TMTC2: variants seen among roughly 807,000 people sequenced by gnomAD.
TMTC2 encodes protein O-mannosyl-transferase TMTC2.
In TMTC2, 43 loss-of-function variants were observed where a neutral mutation model predicts 82.4. That is an observed-to-expected ratio of 0.52 (90% CI 0.41 to 0.67). The LOEUF is 0.67. Among genes scored for constraint, TMTC2 ranks in the 30% least tolerant of loss-of-function variants. The pLI is 0.00. For missense variants in TMTC2, 919 were observed against 1,012.4 expected, an observed-to-expected ratio of 0.91 and a Z score of 1.25; for synonymous variants, 408 against 381.9, an observed-to-expected ratio of 1.07 and a Z score of -0.80.
chr12:82,772,781 T>A (rs1877378526), intron 1 of TMTC2, among the ~76,000 whole-genome samples: 1 of 152,170 alleles, frequency 6.6e-6, no homozygotes, highest in Admixed American at 6.5e-5. Context: ...CCAAGAAAAT[T>A]CTGTAATTTT....
chr12:83,023,497 G>T (rs1565857884), intron 8 of TMTC2, among the ~76,000 whole-genome samples: 1 of 152,138 alleles, frequency 6.6e-6, no homozygotes, highest in Non-Finnish European at 1.5e-5. Context: ...CTTTCCCAGG[G>T]GTTAACCTAA....
intron 11 of TMTC2, among the ~76,000 whole-genome samples, chr12:83,103,333 G>A (rs775365269): frequency 1.6e-4 from 25 of 152,282 alleles, no homozygotes; most frequent in Non-Finnish European, 2.4e-4. Flanking sequence ...CTGCTATGAC[G>A]AAATGCCTGA....
intron 1 of TMTC2, among the ~76,000 whole-genome samples, chr12:82,784,667 C>T (rs539921446): frequency 1.3e-5 from 2 of 152,200 alleles, no homozygotes; most frequent in East Asian, 1.9e-4. Flanking sequence ...TTTTAACTTC[C>T]GTCTTGAAGT....
At chr12:83,119,806 T>A (rs1367493607) in intron 11 of TMTC2, among the ~76,000 whole-genome samples, 1 of 152,218 alleles carries the variant, frequency 6.6e-6, no homozygotes, top group East Asian at 1.9e-4. Context: ...AGTCATTTTA[T>A]AAATGTGGGA....
At chr12:82,899,353 C>T (rs1592611097) in intron 3 of TMTC2, among the ~76,000 whole-genome samples, 2 of 151,822 alleles carry the variant, frequency 1.3e-5, no homozygotes, top group African/African-American at 2.4e-5. Flanking sequence ...CCTCTTTTCC[C>T]TTCACAGTTG....
chr12:83,038,278 A>G (rs902621992), intron 9 of TMTC2, among the ~76,000 whole-genome samples: 2 of 152,074 alleles, frequency 1.3e-5, no homozygotes, highest in African/African-American at 4.8e-5. Context: ...CCTAAAACTT[A>G]AAGTATAATA....
At chr12:83,012,240 T>A (rs1383175715) in intron 8 of TMTC2, among the ~76,000 whole-genome samples, 5 of 152,136 alleles carry the variant, frequency 3.3e-5, no homozygotes, top group Admixed American at 3.3e-4. Context: ...ACAAAATACA[T>A]CATTTTAGTG....
chr12:82,819,101 A>G (rs554108861), intron 1 of TMTC2, among the ~76,000 whole-genome samples: 1 of 152,038 alleles, frequency 6.6e-6, no homozygotes, highest in African/African-American at 2.4e-5. Flanking sequence ...ATTTATATAC[A>G]TCCTAGATGA....
At chr12:82,871,687 G>A (rs1013154784) in intron 2 of TMTC2, among the ~76,000 whole-genome samples, 3 of 115,750 alleles carry the variant, frequency 2.6e-5, no homozygotes, top group African/African-American at 8.9e-5. Context: ...TCATCTGTGT[G>A]TGTGTGTGTG....
chr12:83,069,412 C>T (rs1014337203), intron 11 of TMTC2, among the ~76,000 whole-genome samples: 1 of 152,116 alleles, frequency 6.6e-6, no homozygotes, highest in Non-Finnish European at 1.5e-5. Context: ...GGTGGTGTTG[C>T]AGTATGGTTT....
chr12:82,948,128 G>C (rs1236950558), intron 4 of TMTC2, among the ~76,000 whole-genome samples: 2 of 152,174 alleles, frequency 1.3e-5, no homozygotes, highest in African/African-American at 2.4e-5. Flanking sequence ...CACTTTGGGA[G>C]GCCAAGGCAC....
In TMTC2 at chr12:82,877,166, C is replaced by T. The variant is rs185814297; in HGVS notation, c.655-18652C>T. 1.8e-3 allele frequency among the ~76,000 whole-genome samples: 270 copies of T among 152,012 alleles called. 1 individual carries two copies. The Middle Eastern group carries it at 0.02, about 11-fold the overall frequency. On this transcript the variant is annotated intron_variant, in intron 2 of 11. Transcript: ENST00000321196. ...TATATTAGTCCATTTTTGCATTGATCAAAGTTAAATTTTGTTATTTACTAC... is the reference window on the plus strand; with the variant it reads ...TATATTAGTCCATTTTTGCATTGATTAAAGTTAAATTTTGTTATTTACTAC...
intron 1 of TMTC2, among the ~76,000 whole-genome samples, chr12:82,809,781 G>A (rs1879404322): frequency 6.6e-6 from 1 of 152,008 alleles, no homozygotes; most frequent in Non-Finnish European, 1.5e-5. Context: ...ATTCATATCA[G>A]GAATTACTAA....
intron 1 of TMTC2, among the ~76,000 whole-genome samples, chr12:82,717,866 C>G (rs976153950): frequency 6.6e-6 from 1 of 152,152 alleles, no homozygotes; most frequent in Non-Finnish European, 1.5e-5. Context: ...ACAAAGTAGC[C>G]TAATTTCCTG....
chr12:82,999,219 A>G (rs988825976), intron 8 of TMTC2, among the ~76,000 whole-genome samples: 2 of 152,226 alleles, frequency 1.3e-5, no homozygotes, highest in Admixed American at 6.5e-5. Flanking sequence ...GACCTTGACA[A>G]TTTTGAGGAG....
intron 11 of TMTC2, among the ~76,000 whole-genome samples, chr12:83,070,020 C>T (rs893296731): frequency 2.6e-5 from 4 of 152,030 alleles, no homozygotes; most frequent in African/African-American, 9.7e-5. Flanking sequence ...TTTCTGGGTT[C>T]TCTATTCTGT....
chr12:83,064,011 C>T (rs1016379920), intron 11 of TMTC2, among the ~76,000 whole-genome samples: 7 of 151,216 alleles, frequency 4.6e-5, no homozygotes, highest in Non-Finnish European at 8.9e-5. Context: ...TCATTAAAGG[C>T]AGAGATCAGA....
At chr12:82,832,054 T>C (rs1001057332) in intron 1 of TMTC2, among the ~76,000 whole-genome samples, 4 of 152,190 alleles carry the variant, frequency 2.6e-5, no homozygotes, top group Non-Finnish European at 4.4e-5. Context: ...CAGAACGTTT[T>C]ATCTGTGAAA....
chr12:82,899,269 C>T (rs1873838030), intron 3 of TMTC2, among the ~76,000 whole-genome samples: 1 of 152,048 alleles, frequency 6.6e-6, no homozygotes, highest in African/African-American at 2.4e-5. Flanking sequence ...TACTTGCAGG[C>T]TTTACCATCT....
Sources: allele counts gnomAD v4.1 joint callset (sites outside exome capture counted in the v4.1 genomes callset), GRCh38; gene constraint gnomAD v4.1.1; transcripts MANE v1.5; gene names NCBI Gene and HGNC (gene_info 2026-07-23, HGNC 2026-07-21).